ZMAT4: variants seen among roughly 807,000 people sequenced by gnomAD.
ZMAT4 encodes zinc finger matrin-type protein 4.
In ZMAT4, 17 loss-of-function variants were observed where a neutral mutation model predicts 28.7. The observed-to-expected ratio is 0.59, with a 90% CI of 0.41 to 0.89. The LOEUF is 0.89. Ranked by LOEUF, ZMAT4 falls within the 40% of genes least tolerant of loss-of-function variation. ZMAT4 has a pLI of 0.00. For missense variants in ZMAT4, 240 were observed against 283.8 expected (o/e 0.85, Z 1.11); for synonymous variants, 117 against 109.2 (o/e 1.07, Z -0.44).
At chr8:40,666,435 C>T (rs2118872599) in intron 5 of ZMAT4, among the ~76,000 whole-genome samples, 1 of 152,078 alleles carries the variant, frequency 6.6e-6, no homozygotes, top group African/African-American at 2.4e-5. Flanking sequence ...CTTTGTTAAT[C>T]TATAAAAATA....
At chr8:40,573,472 C>G (rs1804163480) in intron 6 of ZMAT4, among the ~76,000 whole-genome samples, 1 of 152,140 alleles carries the variant, frequency 6.6e-6, no homozygotes. Flanking sequence ...CCAAATCTCC[C>G]TTTCCTTTCT....
chr8:40,869,396 A>G (rs1817777271), intron 1 of ZMAT4, among the ~76,000 whole-genome samples: 1 of 152,192 alleles, frequency 6.6e-6, no homozygotes, highest in Admixed American at 6.5e-5. Flanking sequence ...TTTGCCCACA[A>G]GAAAGGAACA....
intron 3 of ZMAT4, among the ~76,000 whole-genome samples, chr8:40,758,702 G>T (rs952473517): frequency 2.6e-5 from 4 of 152,308 alleles, no homozygotes; most frequent in East Asian, 1.9e-4. Context: ...AGGAAGCAAA[G>T]AAAAATGGAT....
intron 5 of ZMAT4, among the ~76,000 whole-genome samples, chr8:40,659,029 C>T (rs1309058151): frequency 1.3e-5 from 2 of 152,072 alleles, no homozygotes; most frequent in South Asian, 2.1e-4. Flanking sequence ...ATCCCCAAGA[C>T]GTGGTTGCAG....
chr8:40,641,521 C>T (rs1165429512), intron 5 of ZMAT4, among the ~76,000 whole-genome samples: 1 of 152,058 alleles, frequency 6.6e-6, no homozygotes, highest in African/African-American at 2.4e-5. Flanking sequence ...ATTTTTTAAG[C>T]TACTGTATTG....
intron 5 of ZMAT4, among the ~76,000 whole-genome samples, chr8:40,584,283 C>T (rs1350197798): frequency 6.6e-6 from 1 of 152,096 alleles, no homozygotes; most frequent in African/African-American, 2.4e-5. Flanking sequence ...CCTGGAGGAG[C>T]CAGAGCAATG....
At chr8:40,545,061 G>A (rs1454125114) in intron 6 of ZMAT4, among the ~76,000 whole-genome samples, 1 of 152,168 alleles carries the variant, frequency 6.6e-6, no homozygotes, top group Non-Finnish European at 1.5e-5. Flanking sequence ...GTTGCTGTAT[G>A]TTGTGAGCTT....
intron 2 of ZMAT4, among the ~76,000 whole-genome samples, chr8:40,774,859 T>C (rs1813526834): frequency 6.6e-6 from 1 of 152,174 alleles, no homozygotes; most frequent in South Asian, 2.1e-4. Context: ...TATTAATGCT[T>C]TTTTGAAATT....
intron 3 of ZMAT4, among the ~76,000 whole-genome samples, chr8:40,754,105 G>A (rs1479421066): frequency 6.6e-6 from 1 of 151,886 alleles, no homozygotes; most frequent in Non-Finnish European, 1.5e-5. Flanking sequence ...CCGGGAGGCA[G>A]AGGCTGCAGT....
At chr8:40,684,349 C>G (rs1394297956) in intron 4 of ZMAT4, among the ~76,000 whole-genome samples, 2 of 152,170 alleles carry the variant, frequency 1.3e-5, no homozygotes, top group South Asian at 2.1e-4. Flanking sequence ...CCACATTTAA[C>G]ATGGAGTTCC....
At chr8:40,671,837 GA>G (rs746931400) in intron 5 of ZMAT4, among the ~76,000 whole-genome samples, 2 of 152,082 alleles carry the variant, frequency 1.3e-5, no homozygotes, top group African/African-American at 2.4e-5. Context: ...AACAAAATTA[GA>G]AATAGTTTCT....
chr8:40,874,477 C>T (rs576655941), intron 1 of ZMAT4, among the ~76,000 whole-genome samples: 51 of 152,290 alleles, frequency 3.3e-4, no homozygotes, highest in African/African-American at 1.2e-3. Context: ...TTCCTACTTC[C>T]CCAATGGAAT....
chr8:40,669,415 G>A (rs1046918619), intron 5 of ZMAT4, among the ~76,000 whole-genome samples: 25 of 151,996 alleles, frequency 1.6e-4, no homozygotes, highest in African/African-American at 6.0e-4. Flanking sequence ...AAATGATGAT[G>A]TATTTCATAA....
intron 2 of ZMAT4, among the ~76,000 whole-genome samples, chr8:40,800,278 C>G (rs1342096277): frequency 6.6e-6 from 1 of 152,124 alleles, no homozygotes; most frequent in Admixed American, 6.5e-5. Flanking sequence ...GAGAAATAAA[C>G]GAAGCTCTTA....
Position 40,535,218 on chromosome 8 carries a change from G to T in ZMAT4, c.675-2980C>A, listed in dbSNP as rs143609506. Among the ~76,000 whole-genome samples, 531 of 152,260 alleles carry T rather than the reference G, an allele frequency of 3.5e-3. 4 individuals are homozygous for T. The highest frequency in any genetic ancestry group is 6.8e-3 in the Middle Eastern group (2 of 294). On this transcript the variant is annotated intron_variant, in intron 6 of 6. Coordinates refer to ENST00000297737, the MANE Select transcript of ZMAT4 (RefSeq NM_024645.3). ...GGCAGCCTTCTAGCACAAGCCAGAT[G>T]AGAATCACATCTGTAGGAACAGCCA... is the stretch of plus-strand genomic sequence containing the variant.
intron 5 of ZMAT4, among the ~76,000 whole-genome samples, chr8:40,598,396 TG>T (rs1322594183): frequency 6.6e-6 from 1 of 152,172 alleles, no homozygotes; most frequent in Non-Finnish European, 1.5e-5. Context: ...CAGTGTGTGT[TG>T]TTCCCCACCC....
chr8:40,810,907 A>T (rs953547617), intron 2 of ZMAT4, among the ~76,000 whole-genome samples: 1 of 152,218 alleles, frequency 6.6e-6, no homozygotes, highest in African/African-American at 2.4e-5. Context: ...TCATTTAAAA[A>T]GTATGTTTAA....
At chr8:40,795,904 G>T (rs1013364828) in intron 2 of ZMAT4, among the ~76,000 whole-genome samples, 1 of 152,122 alleles carries the variant, frequency 6.6e-6, no homozygotes, top group Non-Finnish European at 1.5e-5. Flanking sequence ...AACCTGAAAA[G>T]CAAAAGAAGT....
intron 3 of ZMAT4, among the ~76,000 whole-genome samples, chr8:40,758,751 T>C (rs184640028): frequency 1.3e-3 from 191 of 152,208 alleles, no homozygotes; most frequent in Non-Finnish European, 2.2e-3. Context: ...CAGAGTTGGA[T>C]GGTGACAGTG....
Sources: gnomAD v4.1 joint callset for allele counts (sites outside exome capture counted in the v4.1 genomes callset) on GRCh38, gnomAD v4.1.1 for gene constraint, MANE v1.5 for transcripts, NCBI Gene and HGNC (gene_info 2026-07-23, HGNC 2026-07-21) for gene names.